The following NRAP variants were observed in gnomAD, a reference collection of about 807,000 sequenced individuals.
NRAP encodes the protein nebulin related anchoring protein.
Under a neutral mutation model 225.9 loss-of-function variants are expected in NRAP, and 189 were observed. That is an observed-to-expected ratio of 0.84 (90% confidence interval 0.74 to 0.94). NRAP has a LOEUF of 0.94. NRAP is among the 40% of genes least tolerant of loss of function. NRAP has a pLI of 0.00. For synonymous variants in NRAP, 769 were observed against 790.7 expected, an observed-to-expected ratio of 0.97 and a Z score of 0.46; for missense variants, 2,176 against 2,168.7, an observed-to-expected ratio of 1.00 and a Z score of -0.07.
At chr10:113,634,845 C>T (rs1199656030) in intron 14 of NRAP, among the ~76,000 whole-genome samples, 2 of 152,182 alleles carry the variant, frequency 1.3e-5, no homozygotes, top group African/African-American at 4.8e-5. Context: ...AACAAAAAGT[C>T]CAACCAAGTT....
intron 14 of NRAP, among the ~76,000 whole-genome samples, chr10:113,637,685 A>T (rs1462812683): frequency 6.6e-6 from 1 of 152,212 alleles, no homozygotes; most frequent in East Asian, 1.9e-4. Context: ...GCACTTTGGG[A>T]GGCCGAGGCA....
chr10:113,652,400 G>A (rs1201230367), intron 6 of NRAP, among the ~76,000 whole-genome samples: 1 of 152,058 alleles, frequency 6.6e-6, no homozygotes, highest in Admixed American at 6.5e-5. Context: ...CCAGCACTTT[G>A]GGAGGCCAAG....
chr10:113,592,440 C>T (rs977192871), intron 38 of NRAP, 139 bp from the exon 39 acceptor site: 19 of 511,572 alleles, frequency 3.7e-5, no homozygotes, highest in African/African-American at 1.4e-4. Flanking sequence ...TCCACCTTGG[C>T]GACTCCCTAG....
intron 13 of NRAP, among the ~76,000 whole-genome samples, chr10:113,641,081 G>T (rs1281941099): frequency 2.0e-5 from 3 of 152,170 alleles, no homozygotes; most frequent in Non-Finnish European, 4.4e-5. Context: ...TTTTCTCTCA[G>T]AAATTGAAAG....
chr10:113,630,923 G>C (rs1256247496), intron 18 of NRAP, among the ~76,000 whole-genome samples: 1 of 152,174 alleles, frequency 6.6e-6, no homozygotes, highest in African/African-American at 2.4e-5. Context: ...GGGAAGACTT[G>C]ATTAGAAACT....
chr10:113,600,717 T>C (rs1369288504), intron 35 of NRAP, among the ~76,000 whole-genome samples: 1 of 152,160 alleles, frequency 6.6e-6, no homozygotes, highest in Non-Finnish European at 1.5e-5. Flanking sequence ...TGTACAGTCT[T>C]GAGCAAGTCA....
At chr10:113,647,072 C>CTGGGGAGGGA in intron 9 of NRAP, 45 bp from the exon 10 acceptor site, 1 of 1,238,944 alleles carries the variant, frequency 8.1e-7, no homozygotes, top group Non-Finnish European at 1.2e-6. Flanking sequence ...CTTCCCTCCC[C>CTGGGGAGGGA]AGATGGGTGG....
At chr10:113,656,963 T>C (rs1286081499) in intron 4 of NRAP, among the ~76,000 whole-genome samples, 3 of 152,048 alleles carry the variant, frequency 2.0e-5, no homozygotes, top group Admixed American at 2.0e-4. Flanking sequence ...ATAAAATAAA[T>C]GGCTAAGGAA....
At chr10:113,657,078 G>A (rs541361283) in intron 4 of NRAP, among the ~76,000 whole-genome samples, 1 of 152,290 alleles carries the variant, frequency 6.6e-6, no homozygotes, top group African/African-American at 2.4e-5. Context: ...CAACAGGCTG[G>A]AGAGAGGCCA....
intron 9 of NRAP, among the ~76,000 whole-genome samples, chr10:113,648,560 T>A (rs1206311618): frequency 6.6e-6 from 1 of 151,146 alleles, no homozygotes; most frequent in Non-Finnish European, 1.5e-5. Flanking sequence ...TTTTAACAAG[T>A]CTAGTTACTT....
At chr10:113,649,832 G>A (rs938745259) in intron 9 of NRAP, among the ~76,000 whole-genome samples, 3 of 152,156 alleles carry the variant, frequency 2.0e-5, no homozygotes, top group African/African-American at 4.8e-5. Context: ...AAAAGAAAGT[G>A]CCTCAATCTG....
chr10:113,662,770 CA>C lies in NRAP; in HGVS notation c.168-5del. On this transcript the variant is annotated splice_polypyrimidine_tract_variant and splice_region_variant and intron_variant, in intron 2 of 41. Transcript: ENST00000359988. ...AGTGTTGTTCTTAGGGTTATGGCTACAACAAATAGGTATAAATCAAAATTAG... is the reference window on the plus strand; with the variant it reads ...AGTGTTGTTCTTAGGGTTATGGCTACACAAATAGGTATAAATCAAAATTAG... 6.7e-7 allele frequency: 1 copy of C among 1,486,702 alleles called. No individual in the cohort carries two copies. The highest frequency in any genetic ancestry group is 9.4e-7 in the Non-Finnish European group (1 of 1,068,356). 92.1% of individuals were successfully genotyped at this position (1,486,702 alleles called of 1,614,324 possible). A position where few individuals can be genotyped will look rare whatever the true frequency, so the allele number is the denominator to read the frequency against.
chr10:113,601,663 G>T (rs1846610345), intron 35 of NRAP, among the ~76,000 whole-genome samples: 2 of 152,144 alleles, frequency 1.3e-5, no homozygotes, highest in African/African-American at 4.8e-5. Flanking sequence ...TTTAGATTAT[G>T]TTCTCTCTGC....
intron 35 of NRAP, among the ~76,000 whole-genome samples, chr10:113,603,428 C>T (rs1157431392): frequency 6.6e-6 from 1 of 151,932 alleles, no homozygotes; most frequent in Admixed American, 6.6e-5. Flanking sequence ...GCTCTGAGCT[C>T]CCCCCAAGAG....
At chr10:113,633,729 C>A (rs1848701441) in intron 15 of NRAP, among the ~76,000 whole-genome samples, 1 of 151,976 alleles carries the variant, frequency 6.6e-6, no homozygotes, top group African/African-American at 2.4e-5. Flanking sequence ...ATTATATAAA[C>A]ATGTTTTTTC....
chr10:113,650,351 C>T (rs1395909107), intron 8 of NRAP, 87 bp downstream of exon 8: 9 of 1,017,144 alleles, frequency 8.8e-6, no homozygotes, highest in Non-Finnish European at 1.2e-5. Flanking sequence ...AGGGTAAATG[C>T]AAAAGTCAAC....
intron 4 of NRAP, among the ~76,000 whole-genome samples, chr10:113,655,452 A>ATTCTTT (rs34169375): frequency 8.3e-5 from 12 of 145,258 alleles, no homozygotes; most frequent in Non-Finnish European, 9.0e-5. Context: ...TTGTACATCC[A>ATTCTTT]TTTTTTTTTT....
intron 35 of NRAP, among the ~76,000 whole-genome samples, chr10:113,602,067 A>C (rs1257898047): frequency 2.6e-5 from 4 of 152,138 alleles, no homozygotes; most frequent in African/African-American, 9.7e-5. Context: ...TTGTAGAGAC[A>C]GGGTTTCATC....
At chr10:113,636,649 A>G (rs1047141517) in intron 14 of NRAP, among the ~76,000 whole-genome samples, 2 of 152,184 alleles carry the variant, frequency 1.3e-5, no homozygotes, top group African/African-American at 2.4e-5. Flanking sequence ...AGAAACCAGA[A>G]ATCCATATTA....
Sources: allele counts gnomAD v4.1 joint callset (sites outside exome capture counted in the v4.1 genomes callset), GRCh38; gene constraint gnomAD v4.1.1; transcripts MANE v1.5; gene names NCBI Gene and HGNC (gene_info 2026-07-23, HGNC 2026-07-21).